KAT6B: variants seen among roughly 807,000 people sequenced by gnomAD.
The protein encoded by KAT6B is lysine acetyltransferase 6B.
Under a neutral mutation model 187.5 loss-of-function variants are expected in KAT6B, and 10 were observed. That is an observed-to-expected ratio of 0.05 (90% CI 0.03 to 0.09). The LOEUF is 0.09. Ranked by LOEUF, KAT6B falls within the 10% of genes least tolerant of loss-of-function variation. The probability of loss-of-function intolerance (pLI) is 1.00; values close to 1 mark genes in which losing one functional copy is unlikely to be tolerated. For synonymous variants in KAT6B, 861 were observed against 926.8 expected (o/e 0.93, Z 1.29); for missense variants, 1,952 against 2,558.9 (o/e 0.76, Z 5.12).
intron 3 of KAT6B, among the ~76,000 whole-genome samples, chr10:74,853,299 T>C (rs1415254458): frequency 6.6e-6 from 1 of 151,564 alleles, no homozygotes; most frequent in Non-Finnish European, 1.5e-5. Context: ...TTTTTTTTTT[T>C]CTTTTTTTTG....
In KAT6B at chr10:75,030,477, A is replaced by C; in HGVS notation, c.5653A>C (p.Thr1885Pro). The C allele has an allele frequency of 6.2e-7, 1 of 1,612,038 alleles. No homozygotes were observed. The highest frequency in any genetic ancestry group is 8.5e-7 in the Non-Finnish European group (1 of 1,178,602). The change falls in exon 18 of 18, where the codon ACT becomes CCT. Residue 1885 changes from threonine (T) to proline (P), a missense_variant. Thr to Pro is a conservative substitution (Grantham distance 38, BLOSUM62 -1). Transcript: ENST00000287239. This position sits in a 1 kb window ranked among gnomAD's most constrained non-coding sequence, Gnocchi z 4.8. ...QATMTPPPNL[T>P]PPPMNLPPPL... ...TACCATGACCCCACCCCCCAACCTG[A>C]CTCCTCCTCCAATGAATCTGCCGCC...
intron 3 of KAT6B, among the ~76,000 whole-genome samples, chr10:74,958,337 G>A (rs1840835245): frequency 6.6e-6 from 1 of 152,178 alleles, no homozygotes; most frequent in South Asian, 2.1e-4. Context: ...TTTATTCTAT[G>A]CTGATGTATA....
At chr10:74,971,998 T>G (rs1028005136) in intron 6 of KAT6B, among the ~76,000 whole-genome samples, 2 of 152,184 alleles carry the variant, frequency 1.3e-5, no homozygotes, top group African/African-American at 4.8e-5. Flanking sequence ...GACCTATTTC[T>G]CTATGCTAGA....
chr10:74,922,766 T>A (rs749232148), intron 3 of KAT6B, among the ~76,000 whole-genome samples: 2 of 152,230 alleles, frequency 1.3e-5, no homozygotes, highest in Non-Finnish European at 2.9e-5. Context: ...CATGGTAAAC[T>A]TTTTGGCTCA....
intron 3 of KAT6B, among the ~76,000 whole-genome samples, chr10:74,857,796 G>A (rs1378905983): frequency 1.3e-5 from 2 of 152,162 alleles, no homozygotes; most frequent in East Asian, 3.8e-4. Context: ...AAGGCAGGTG[G>A]ATCACTTGAG....
At chr10:74,981,695 T>C (rs779415492) in intron 10 of KAT6B, 92 bp from the exon 11 acceptor site, 55 of 985,276 alleles carry the variant, frequency 5.6e-5, no homozygotes, top group Non-Finnish European at 1.3e-5. Context: ...TATACAGCCT[T>C]TTTATGATGT....
chr10:75,029,035 G>C lies in KAT6B; in HGVS notation c.4211G>C (p.Arg1404Pro). ...EISTEKEDSARLDDHEEEEEE... is the reference protein window; with the variant it reads ...EISTEKEDSAPLDDHEEEEEE... ...TCCACGGAAAAAGAAGACTCTGCAC[G>C]TTTGGATGATCACGAAGAGGAGGAG... The change falls in exon 18 of 18, where the codon CGT becomes CCT. Residue 1404 changes from arginine (R) to proline (P), a missense_variant. Transcript: ENST00000287239. This position sits in a 1 kb window ranked among gnomAD's most constrained non-coding sequence, Gnocchi z 6.2. 1 of 1,614,082 alleles carries C rather than the reference G, an allele frequency of 6.2e-7. No homozygotes were observed. The highest frequency in any genetic ancestry group is 1.3e-5 in the African/African-American group (1 of 74,990).
In KAT6B at chr10:75,022,261, C is replaced by T. The variant is rs189508384; in HGVS notation, c.3372+30C>T. The T allele has an allele frequency of 3.6e-3, 5,786 of 1,611,452 alleles. 11 individuals carry two copies. The highest frequency in any genetic ancestry group is 4.5e-3 in the Non-Finnish European group (5,318 of 1,178,636). ...GTGTCTGTTTAGATTTTCTGTGAGT[C>T]GCGTTCAATCAAATCTTATTTGTCA... On this transcript the variant is annotated intron_variant, in intron 16 of 17. Transcript: ENST00000287239.
chr10:74,921,108 A>AT (rs10550175), intron 3 of KAT6B, among the ~76,000 whole-genome samples: 1,548 of 109,382 alleles, frequency 0.014, 9 homozygotes, highest in South Asian at 0.019. Context: ...TGTAGTCTAA[A>AT]TTTTTTTTTT....
chr10:74,956,718 C>T (rs866796976), intron 3 of KAT6B, among the ~76,000 whole-genome samples: 5 of 152,088 alleles, frequency 3.3e-5, no homozygotes, highest in Non-Finnish European at 7.4e-5. Flanking sequence ...ATACTCATAC[C>T]GGGCAAGATT....
intron 13 of KAT6B, among the ~76,000 whole-genome samples, chr10:74,999,237 T>G (rs1424980032): frequency 1.3e-5 from 2 of 152,192 alleles, no homozygotes; most frequent in Non-Finnish European, 2.9e-5. Context: ...AATACTGGTA[T>G]TTATTGAATG....
At chr10:74,844,117 G>T (rs890287649) in intron 3 of KAT6B, among the ~76,000 whole-genome samples, 1 of 152,014 alleles carries the variant, frequency 6.6e-6, no homozygotes, top group African/African-American at 2.4e-5. Context: ...CAAGTGATGC[G>T]CCCGCCTCGG....
At chr10:74,869,165 G>A (rs1267498816) in intron 3 of KAT6B, among the ~76,000 whole-genome samples, 1 of 151,886 alleles carries the variant, frequency 6.6e-6, no homozygotes, top group Non-Finnish European at 1.5e-5. Context: ...CAACCGTTTT[G>A]TTTTTGCTTA....
intron 3 of KAT6B, among the ~76,000 whole-genome samples, chr10:74,858,002 G>A (rs947608971): frequency 2.0e-5 from 3 of 151,928 alleles, no homozygotes; most frequent in South Asian, 4.1e-4. Flanking sequence ...TAGCCTGGGC[G>A]ACTGAGCAGG....
At chr10:75,009,859 G>C (rs1417715512) in intron 13 of KAT6B, among the ~76,000 whole-genome samples, 2 of 152,134 alleles carry the variant, frequency 1.3e-5, no homozygotes, top group Non-Finnish European at 2.9e-5. Flanking sequence ...AAATTACCCA[G>C]GCGTGGTGGT....
chr10:74,919,639 G>A (rs987860208), intron 3 of KAT6B, among the ~76,000 whole-genome samples: 1 of 152,142 alleles, frequency 6.6e-6, no homozygotes, highest in African/African-American at 2.4e-5. Flanking sequence ...CTGATCTCAG[G>A]CGATCCGCCC....
rs1044632003 is a variant in KAT6B, at chr10:75,031,595, G to T, written c.*549G>T. ...TCTTAAGTTTTTTGCCTTGATTAGG[G>T]TGCCCTAATTTGAGGGTTTTAAAAA... On this transcript the variant is annotated 3_prime_UTR_variant, in exon 18 of 18. Coordinates refer to ENST00000287239, the MANE Select transcript of KAT6B (RefSeq NM_012330.4). The T allele has an allele frequency of 4.6e-6, 1 of 218,890 alleles. No individual in the cohort carries two copies. Among genetic ancestry groups the T allele is most frequent in the Non-Finnish European group, 9.2e-6 (1 of 109,270 alleles). 13.6% of individuals were successfully genotyped at this position (218,890 alleles called of 1,614,324 possible).
Position 74,972,599 on chromosome 10 carries a change from C to A in KAT6B, c.1021C>A (p.Pro341Thr), listed in dbSNP as rs762919901. ...AAQIKRRYAK[P>T]IGRPKNKLKQ... ...ACAAATAAAACGACGATATGCAAAA[C>A]CCATTGGACGACCGAAAAATAAATT... The change falls in exon 7 of 18, where the codon CCC becomes ACC. Residue 341 changes from proline to threonine, a missense_variant. Physicochemically the swap from Pro to Thr is conservative, Grantham distance 38. Transcript: ENST00000287239. 6.2e-7 allele frequency: 1 copy of A among 1,613,118 alleles called. No individual in the cohort carries two copies. Among genetic ancestry groups the A allele is most frequent in the African/African-American group, 1.3e-5 (1 of 74,848 alleles).
intron 17 of KAT6B, among the ~76,000 whole-genome samples, chr10:75,027,799 TAAAAAG>T (rs1325993062): frequency 6.6e-6 from 1 of 152,144 alleles, no homozygotes; most frequent in Non-Finnish European, 1.5e-5. Context: ...GAATTAGTGT[TAAAAAG>T]AATACCTGTA....
Sources: gnomAD v4.1 joint callset for allele counts (sites outside exome capture counted in the v4.1 genomes callset) on GRCh38, gnomAD v4.1.1 for gene constraint, Gnocchi (gnomAD v3.1) non-coding constraint, MANE v1.5 for transcripts, NCBI Gene and HGNC (gene_info 2026-07-23, HGNC 2026-07-21) for gene names.